HCRTR2: variants seen among roughly 807,000 people sequenced by gnomAD.
The protein encoded by HCRTR2 is hypocretin receptor 2, also known as orexin receptor type 2.
In HCRTR2, 22 loss-of-function variants were observed where a neutral mutation model predicts 49.0. The observed-to-expected ratio is 0.45, with a 90% confidence interval of 0.32 to 0.64. HCRTR2 has a LOEUF of 0.64. HCRTR2 is among the 30% of genes least tolerant of loss of function. The pLI, the probability that HCRTR2 is intolerant of heterozygous loss-of-function variation, is 0.04. For synonymous variants in HCRTR2, 236 were observed against 205.3 expected (o/e 1.15, Z -1.28); for missense variants, 491 against 559.4 (o/e 0.88, Z 1.23).
intron 1 of HCRTR2, among the ~76,000 whole-genome samples, chr6:55,113,629 A>T (rs779762457): frequency 2.6e-5 from 4 of 151,560 alleles, no homozygotes; most frequent in Non-Finnish European, 4.4e-5. Flanking sequence ...AACCATAATT[A>T]AAAAATAAAA....
upstream of HCRTR2, among the ~76,000 whole-genome samples, chr6:55,171,804 G>A (rs1764953696): frequency 6.6e-6 from 1 of 152,180 alleles, no homozygotes; most frequent in Non-Finnish European, 1.5e-5. Context: ...GATTTACGAA[G>A]AGAAGACTGA....
intron 1 of HCRTR2, among the ~76,000 whole-genome samples, chr6:55,201,196 A>T (rs1226509711): frequency 6.6e-6 from 1 of 152,126 alleles, no homozygotes; most frequent in African/African-American, 2.4e-5. Context: ...AAAATATATC[A>T]GATATTTTTA....
intron 1 of HCRTR2, among the ~76,000 whole-genome samples, chr6:55,119,575 GTCT>G (rs1764166766): frequency 1.3e-5 from 2 of 150,456 alleles, no homozygotes; most frequent in Non-Finnish European, 3.0e-5. Context: ...CTGCATAAAT[GTCT>G]TCTTTTGAGA....
chr6:55,275,274 T>G (rs1448925988), intron 4 of HCRTR2, among the ~76,000 whole-genome samples: 1 of 152,134 alleles, frequency 6.6e-6, no homozygotes, highest in Non-Finnish European at 1.5e-5. Context: ...GAAATAAAAG[T>G]GGGGTGCATG....
intron 1 of HCRTR2, among the ~76,000 whole-genome samples, chr6:55,108,821 G>A (rs1764009972): frequency 6.6e-6 from 1 of 150,990 alleles, no homozygotes; most frequent in African/African-American, 2.5e-5. Flanking sequence ...GGGCAGAACT[G>A]GGGGGTTGGG....
At chr6:55,258,633 A>T (rs1354802368) in intron 3 of HCRTR2, among the ~76,000 whole-genome samples, 1 of 152,214 alleles carries the variant, frequency 6.6e-6, no homozygotes, top group East Asian at 1.9e-4. Flanking sequence ...TTTAAAATAT[A>T]CATTTGTATG....
chr6:55,212,953 G>A (rs552159624), intron 1 of HCRTR2, among the ~76,000 whole-genome samples: 3 of 152,142 alleles, frequency 2.0e-5, no homozygotes, highest in Non-Finnish European at 4.4e-5. Context: ...GTCCATTGGG[G>A]ATAACTTCCA....
chr6:55,201,901 A>G (rs1267281741), intron 1 of HCRTR2, among the ~76,000 whole-genome samples: 1 of 152,204 alleles, frequency 6.6e-6, no homozygotes, highest in Non-Finnish European at 1.5e-5. Flanking sequence ...AATTTAATAT[A>G]CGATTGCTGC....
chr6:55,170,852 G>T (rs36167301), upstream of HCRTR2, among the ~76,000 whole-genome samples: 3 of 150,856 alleles, frequency 2.0e-5, no homozygotes, highest in Non-Finnish European at 4.4e-5. Context: ...TTGTCCTTGC[G>T]ATAGTTTGCT....
At chr6:55,130,287 A>G (rs1227526057) in intron 1 of HCRTR2, among the ~76,000 whole-genome samples, 1 of 151,850 alleles carries the variant, frequency 6.6e-6, no homozygotes, top group African/African-American at 2.4e-5. Context: ...AATTGCTTCC[A>G]CTGCTGATTA....
chr6:55,160,188 T>C (rs906030130), intron 1 of HCRTR2, among the ~76,000 whole-genome samples: 1 of 152,180 alleles, frequency 6.6e-6, no homozygotes, highest in Non-Finnish European at 1.5e-5. Context: ...ATATTCAACA[T>C]GCTTTAAGAA....
At chr6:55,148,249 C>CGTGT (rs1053767547) in intron 1 of HCRTR2, among the ~76,000 whole-genome samples, 12 of 151,018 alleles carry the variant, frequency 7.9e-5, no homozygotes, top group Non-Finnish European at 1.5e-4. Context: ...TGTGTGTGTG[C>CGTGT]GTGTGTGTGT....
rs780105793 is a variant in HCRTR2 at position 55,174,687 on chromosome 6, T to G, written c.100T>G (p.Tyr34Asp). Reference sequence around the variant, plus strand: ...AGAGCCCTTTTTAAACCCCACCGACTATGACGACGAGGAATTCCTGCGGTA... The same window carrying G: ...AGAGCCCTTTTTAAACCCCACCGACGATGACGACGAGGAATTCCTGCGGTA... The part of the protein sequence containing the change: ...TQEPFLNPTD[Y>D]DDEEFLRYLW... The change falls in exon 1 of 7, where the codon TAT (tyrosine) becomes GAT (aspartate). Residue 34 changes from tyrosine (Y) to aspartate (D), a missense_variant. Tyr to Asp is a radical substitution (Grantham distance 160). Coordinates refer to ENST00000370862, the MANE Select transcript of HCRTR2 (RefSeq NM_001384272.1). 6.2e-6 allele frequency: 10 copies of G among 1,613,938 alleles called. No individual in the cohort carries two copies. In the Admixed American group the frequency reaches 6.7e-5, roughly 11 times the overall value.
At chr6:55,230,884 C>A (rs1024499103) in intron 1 of HCRTR2, among the ~76,000 whole-genome samples, 1 of 151,008 alleles carries the variant, frequency 6.6e-6, no homozygotes. Flanking sequence ...GCCAATAAGA[C>A]CAAGGTTCAT....
intron 1 of HCRTR2, among the ~76,000 whole-genome samples, chr6:55,120,880 T>C (rs1764188853): frequency 6.6e-6 from 1 of 152,088 alleles, no homozygotes; most frequent in South Asian, 2.1e-4. Flanking sequence ...TACTGTAGCC[T>C]TGTAGTATAG....
intron 2 of HCRTR2, among the ~76,000 whole-genome samples, chr6:55,252,880 A>C (rs1766579300): frequency 6.6e-6 from 1 of 152,102 alleles, no homozygotes; most frequent in Admixed American, 6.6e-5. Context: ...CATCATTATT[A>C]TTATTATAAT....
intron 1 of HCRTR2, among the ~76,000 whole-genome samples, chr6:55,216,013 C>T (rs1336219878): frequency 6.6e-6 from 1 of 152,110 alleles, no homozygotes; most frequent in East Asian, 1.9e-4. Context: ...GAAGGCATCA[C>T]ATGACAAAAA....
chr6:55,282,144 G>A (rs1300856607), intron 6 of HCRTR2, 81 bp from the exon 7 acceptor site: 11 of 979,570 alleles, frequency 1.1e-5, no homozygotes, highest in Non-Finnish European at 1.4e-5. Flanking sequence ...GCTCAAGGGA[G>A]CAACTCAGTT....
At chr6:55,136,106 C>T (rs929989197) in intron 1 of HCRTR2, among the ~76,000 whole-genome samples, 2 of 151,980 alleles carry the variant, frequency 1.3e-5, no homozygotes, top group African/African-American at 4.8e-5. Context: ...TTTAACTATT[C>T]CAGAATAGTA....
Sources: gnomAD v4.1 joint callset for allele counts (sites outside exome capture counted in the v4.1 genomes callset) on GRCh38, gnomAD v4.1.1 for gene constraint, MANE v1.5 for transcripts, NCBI Gene and HGNC (gene_info 2026-07-23, HGNC 2026-07-21) for gene names.